Variants in RHBDD1 observed in about 807,000 individuals in gnomAD.
The protein encoded by RHBDD1 is rhomboid-related protein 4.
In RHBDD1, 38 loss-of-function variants were observed where a neutral mutation model predicts 36.3. The ratio of observed to expected loss-of-function variants is 1.05; its 90% CI spans 0.81 to 1.37. RHBDD1 has a LOEUF of 1.37. Among genes scored for constraint, RHBDD1 ranks in the 40% most tolerant of loss-of-function variants. The pLI, the probability that RHBDD1 is intolerant of heterozygous loss-of-function variation, is 0.00. For missense variants in RHBDD1, 393 were observed against 377.6 expected (o/e 1.04, Z -0.34); for synonymous variants, 151 against 136.5 (o/e 1.11, Z -0.74).
intron 3 of RHBDD1, among the ~76,000 whole-genome samples, chr2:226,846,468 G>C (rs759457181): frequency 6.6e-6 from 1 of 152,164 alleles, no homozygotes; most frequent in Non-Finnish European, 1.5e-5. Flanking sequence ...TGTAGGCCGC[G>C]TACAGTGTCT....
chr2:226,934,696 A>C (rs964536149), intron 8 of RHBDD1, among the ~76,000 whole-genome samples: 5 of 152,128 alleles, frequency 3.3e-5, no homozygotes, highest in Admixed American at 2.0e-4. Flanking sequence ...GCTTTTATAA[A>C]TGAATCCAAG....
intron 5 of RHBDD1, among the ~76,000 whole-genome samples, chr2:226,893,262 A>G (rs1425916747): frequency 6.6e-6 from 1 of 152,246 alleles, no homozygotes; most frequent in East Asian, 1.9e-4. Flanking sequence ...AGCACATGTT[A>G]AAATCAGGCT....
At chr2:226,977,620 G>A (rs1175682582) in intron 8 of RHBDD1, among the ~76,000 whole-genome samples, 1 of 152,166 alleles carries the variant, frequency 6.6e-6, no homozygotes, top group Non-Finnish European at 1.5e-5. Flanking sequence ...ACGCTGCACA[G>A]GGAGAAGCAT....
intron 5 of RHBDD1, among the ~76,000 whole-genome samples, chr2:226,883,109 C>T (rs1338105843): frequency 1.3e-5 from 2 of 152,208 alleles, no homozygotes; most frequent in Non-Finnish European, 2.9e-5. Flanking sequence ...ATAAGAGTTC[C>T]TCATGGCTGT....
intron 8 of RHBDD1, among the ~76,000 whole-genome samples, chr2:226,948,564 T>TAAAAAA (rs56325989): frequency 1.3e-4 from 3 of 23,556 alleles, no homozygotes; most frequent in South Asian, 1.2e-3. Context: ...ACTTAAAGTA[T>TAAAAAA]AAAAAAAAAA....
intron 8 of RHBDD1, among the ~76,000 whole-genome samples, chr2:226,959,457 T>G (rs1952022447): frequency 6.6e-6 from 1 of 152,232 alleles, no homozygotes; most frequent in Non-Finnish European, 1.5e-5. Flanking sequence ...GTCTTCTGTC[T>G]CTATGGTTTA....
At chr2:226,895,805 C>T (rs143355582) in intron 5 of RHBDD1, 23,449 of 983,998 alleles carry the variant, frequency 0.024, 306 homozygotes, top group Non-Finnish European at 0.027. Context: ...CTCACCCCAG[C>T]AACAGCAAAA....
the RHBDD1 span, among the ~76,000 whole-genome samples, chr2:226,821,680 T>C: frequency 2.6e-5 from 4 of 152,232 alleles, no homozygotes; most frequent in Admixed American, 6.5e-5. Flanking sequence ...TTCCAAAATA[T>C]AGCAAAGGTG....
chr2:226,824,331 T>A, the RHBDD1 span, among the ~76,000 whole-genome samples: 1 of 152,126 alleles, frequency 6.6e-6, no homozygotes, highest in Admixed American at 6.5e-5. Flanking sequence ...ACTTGTAGGA[T>A]TGGACATCCA....
chr2:226,898,955 G>C (rs564745011), intron 5 of RHBDD1, among the ~76,000 whole-genome samples: 1 of 152,304 alleles, frequency 6.6e-6, no homozygotes, highest in East Asian at 1.9e-4. Context: ...CATTTGCTCT[G>C]CATACATTGT....
the RHBDD1 span, among the ~76,000 whole-genome samples, chr2:226,814,060 G>A: frequency 6.6e-6 from 1 of 152,190 alleles, no homozygotes; most frequent in Non-Finnish European, 1.5e-5. Flanking sequence ...GTTTTTGGGT[G>A]AGTGATAAAT....
At chr2:226,819,489 G>C in the RHBDD1 span, among the ~76,000 whole-genome samples, 1 of 152,138 alleles carries the variant, frequency 6.6e-6, no homozygotes. Context: ...ACTCATCCTT[G>C]TGTAATTCTG....
At chr2:226,974,795 G>A (rs940812617) in intron 8 of RHBDD1, among the ~76,000 whole-genome samples, 1 of 152,176 alleles carries the variant, frequency 6.6e-6, no homozygotes, top group Non-Finnish European at 1.5e-5. Flanking sequence ...GCTGAGAGTC[G>A]TGAACCATAC....
At chr2:226,805,884 C>A in the RHBDD1 span, among the ~76,000 whole-genome samples, 1 of 152,144 alleles carries the variant, frequency 6.6e-6, no homozygotes, top group Admixed American at 6.5e-5. Flanking sequence ...ATTCTTCTCA[C>A]ATCCCCTCCT....
At chr2:226,891,010 G>A (rs999408280) in intron 5 of RHBDD1, among the ~76,000 whole-genome samples, 5 of 151,948 alleles carry the variant, frequency 3.3e-5, no homozygotes, top group African/African-American at 7.3e-5. Flanking sequence ...CACCCCCAAC[G>A]CCTGTTTTGG....
At chr2:226,955,339 C>T (rs1412208986) in intron 8 of RHBDD1, among the ~76,000 whole-genome samples, 1 of 152,220 alleles carries the variant, frequency 6.6e-6, no homozygotes, top group Non-Finnish European at 1.5e-5. Context: ...CGGTGTTTTG[C>T]ATTAAAGCTT....
intron 5 of RHBDD1, among the ~76,000 whole-genome samples, chr2:226,882,865 G>A (rs1945884865): frequency 6.6e-6 from 1 of 152,092 alleles, no homozygotes; most frequent in African/African-American, 2.4e-5. Flanking sequence ...GTTGGTTCTT[G>A]TTGAGGCCTC....
At chr2:226,827,360 C>G in the RHBDD1 span, among the ~76,000 whole-genome samples, 4 of 152,326 alleles carry the variant, frequency 2.6e-5, no homozygotes, top group Admixed American at 1.3e-4. Context: ...ATTATCTACT[C>G]CATGTAGTCC....
intron 8 of RHBDD1, among the ~76,000 whole-genome samples, chr2:226,920,858 T>TA (rs766224436): frequency 6.6e-5 from 10 of 152,182 alleles, no homozygotes; most frequent in Non-Finnish European, 1.3e-4. Context: ...GGTATCAGGA[T>TA]AATACTGGCC....
Sources: gnomAD v4.1 joint callset for allele counts (sites outside exome capture counted in the v4.1 genomes callset) on GRCh38, gnomAD v4.1.1 for gene constraint, MANE v1.5 for transcripts, NCBI Gene and HGNC (gene_info 2026-07-23, HGNC 2026-07-21) for gene names.